AP1B1: variants seen among roughly 807,000 people sequenced by gnomAD.
The protein encoded by AP1B1 is adaptor related protein complex 1 subunit beta 1.
AP1B1 carries 36 observed loss-of-function variants against 104.3 expected under a neutral mutation model. The observed-to-expected ratio is 0.35, with a 90% confidence interval of 0.26 to 0.46. The LOEUF is 0.46. Among genes scored for constraint, AP1B1 ranks in the 20% least tolerant of loss-of-function variants. The probability of loss-of-function intolerance (pLI) is 1.00; values close to 1 mark genes in which losing one functional copy is unlikely to be tolerated. For synonymous variants in AP1B1, 504 were observed against 517.5 expected, an observed-to-expected ratio of 0.97 and a Z score of 0.35; for missense variants, 901 against 1,247.9, an observed-to-expected ratio of 0.72 and a Z score of 4.19.
chr22:29,350,221 C>T, intron 9 of AP1B1, 71 bp from the exon 10 acceptor site: 2 of 1,249,844 alleles, frequency 1.6e-6, no homozygotes, highest in South Asian at 2.4e-5. Context: ...GATGTCCACG[C>T]CTCGGCCAAG....
In AP1B1 at chr22:29,339,052, C is replaced by T. The variant is rs751437216; in HGVS notation, c.2101G>A (p.Asp701Asn). ...LGAPIGSGLS[D>N]LFDLTSGVGT... ...ACGCCACTGGTCAGGTCAAAGAGGT[C>T]ACTCAGGCCACTGCCGATGGGTGCT... Residue 701 changes from aspartate to asparagine, a missense_variant, in exon 16 of 23, where the codon GAC becomes AAC. Physicochemically the swap from Asp to Asn is conservative, Grantham distance 23. Coordinates refer to ENST00000357586, the MANE Select transcript of AP1B1 (RefSeq NM_001127.4). 6.2e-6 allele frequency: 10 copies of T among 1,614,198 alleles called. 1 individual carries two copies. In the South Asian group the frequency reaches 1.1e-4, roughly 18 times the overall value.
chr22:29,381,362 G>A (rs773583318), intron 1 of AP1B1, among the ~76,000 whole-genome samples: 2 of 152,058 alleles, frequency 1.3e-5, no homozygotes, highest in Non-Finnish European at 2.9e-5. Context: ...TGTAAATGGG[G>A]GTAAGGATTT....
chr22:29,370,307 G>T (rs566579606), intron 1 of AP1B1, among the ~76,000 whole-genome samples: 8 of 152,090 alleles, frequency 5.3e-5, no homozygotes, highest in Middle Eastern at 6.8e-3. Context: ...CAAAAAATTA[G>T]CTGGGCGTGG....
Position 29,354,707 on chromosome 22 carries a change from G to A in AP1B1, c.881C>T (p.Ala294Val), listed in dbSNP as rs2147990524. The change falls in exon 7 of 23, where the codon GCC becomes GTC. Residue 294 changes from alanine (A) to valine (V), a missense_variant. Around this residue, in one of 3 missense-constraint regions of AP1B1, gnomAD observed 471 missense variants for 696.7 expected, o/e 0.68. Transcript: ENST00000357586. ...LAPPLVTLLS[A>V]EPELQYVALR... ...GGCCACATACTGCAGCTCTGGCTCG[G>A]CTGACAGCAGTGTGACCAGGGGTGG... 6.2e-7 allele frequency: 1 copy of A among 1,614,098 alleles called. No homozygotes were observed. Among genetic ancestry groups the A allele is most frequent in the Middle Eastern group, 1.6e-4 (1 of 6,062 alleles).
chr22:29,373,089 T>G (rs2062268060), intron 1 of AP1B1, among the ~76,000 whole-genome samples: 1 of 152,114 alleles, frequency 6.6e-6, no homozygotes, highest in African/African-American at 2.4e-5. Flanking sequence ...AGTTTGAGAC[T>G]GGCTTGGGAA....
intron 1 of AP1B1, among the ~76,000 whole-genome samples, chr22:29,388,099 G>A (rs771531590): frequency 3.9e-5 from 6 of 152,206 alleles, no homozygotes; most frequent in Non-Finnish European, 5.9e-5. Flanking sequence ...CCATGGAGGT[G>A]AGTCCGAAAG....
chr22:29,370,466 A>AAAG (rs2062216355), intron 1 of AP1B1: 5 of 149,988 alleles, frequency 3.3e-5, no homozygotes, highest in Middle Eastern at 3.4e-3. Context: ...AAAAAAAAAA[A>AAAG]AAAGAAAGAA....
chr22:29,328,966 G>T lies in AP1B1; in HGVS notation c.2776-71C>A. The T allele has an allele frequency of 6.4e-7, 1 of 1,561,396 alleles. No individual in the cohort carries two copies. On this transcript the variant is annotated intron_variant, in intron 22 of 22. Coordinates refer to ENST00000357586, the MANE Select transcript of AP1B1 (RefSeq NM_001127.4). The surrounding 1 kb of genome is among the most constrained non-coding windows in gnomAD (Gnocchi z 4.1). Reference sequence around the variant, plus strand: ...GTTCCTCTCAGGAAGGAAAGGGGTGGGGAAGAGAGCAGGAACCAATGGGAC... The same window carrying T: ...GTTCCTCTCAGGAAGGAAAGGGGTGTGGAAGAGAGCAGGAACCAATGGGAC...
Position 29,354,851 on chromosome 22 carries a change from G to T in AP1B1, c.737C>A (p.Pro246His). The change falls in exon 7 of 23, where the codon CCC becomes CAC. Residue 246 changes from proline to histidine, a missense_variant. This residue lies in a region of AP1B1 where 471 missense variants were observed against 696.7 expected (regional missense o/e 0.68). Coordinates refer to ENST00000357586, the MANE Select transcript of AP1B1 (RefSeq NM_001127.4). ...AGCGGAGTTGGCATGGGAGAGCCTGGGGGTGACCCGCTCACAGATGCTGGG... is the reference window on the plus strand; with the variant it reads ...AGCGGAGTTGGCATGGGAGAGCCTGTGGGTGACCCGCTCACAGATGCTGGG... Reference protein sequence around the residue: ...EAQSICERVTPRLSHANSAVV... With the variant: ...EAQSICERVTHRLSHANSAVV... The T allele has an allele frequency of 6.2e-7, 1 of 1,614,056 alleles. No individual in the cohort carries two copies.
intron 5 of AP1B1, 70 bp downstream of exon 5, chr22:29,358,656 A>T (rs977416497): frequency 1.9e-6 from 3 of 1,556,754 alleles, no homozygotes; most frequent in African/African-American, 2.7e-5. Context: ...CCTGGTGAAG[A>T]GTCAAGCCAA....
intron 19 of AP1B1, 145 bp from the exon 20 acceptor site, chr22:29,330,854 T>A (rs2061547258): frequency 1.4e-6 from 1 of 698,268 alleles, no homozygotes; most frequent in African/African-American, 1.8e-5. Context: ...CCCTCCTGCT[T>A]CCCTAAGCAC....
chr22:29,329,524 C>G, intron 22 of AP1B1, 188 bp downstream of exon 22: 1 of 1,438,918 alleles, frequency 6.9e-7, no homozygotes, highest in Non-Finnish European at 9.1e-7. Context: ...CTAGGAAGGA[C>G]TCTGTGCACA....
rs75220707 is a variant in AP1B1 at position 29,341,799 on chromosome 22, G to C, written c.1537-39C>G. The C allele has an allele frequency of 6.5e-3, 10,287 of 1,576,168 alleles. 562 individuals carry two copies. In the African/African-American group the frequency reaches 0.12, roughly 19 times the overall value. On this transcript the variant is annotated intron_variant, in intron 12 of 22. Transcript: ENST00000357586. ...GGAGAAGCCCATGAAACTCAGAGTA[G>C]CCAGGTGAGAAGGGAGGAGACCTTC... is the stretch of plus-strand genomic sequence containing the variant.
intron 13 of AP1B1, among the ~76,000 whole-genome samples, 186 bp downstream of exon 13, chr22:29,341,313 ACT>A (rs1479124991): frequency 6.6e-6 from 1 of 152,252 alleles, no homozygotes; most frequent in Non-Finnish European, 1.5e-5. Context: ...TGCTCTCAGC[ACT>A]GTCGTTAGGC....
At chr22:29,384,671 C>T (rs2062493056) in intron 1 of AP1B1, among the ~76,000 whole-genome samples, 1 of 151,962 alleles carries the variant, frequency 6.6e-6, no homozygotes, top group Admixed American at 6.6e-5. Context: ...AGTTCGAGAC[C>T]AGCCTGGCTA....
Position 29,341,498 on chromosome 22 carries a change from C to T in AP1B1, c.1796+3G>A. On this transcript the variant is annotated splice_donor_region_variant and intron_variant, in intron 13 of 22. Transcript: ENST00000357586. ...CGCAGGCCGACTGGCCAGTCTCACT[C>T]ACGAGGCCGTGCGAGGTGGCAGGCT... 1 of 1,610,352 alleles carries T rather than the reference C, an allele frequency of 6.2e-7. No homozygotes were observed. Among genetic ancestry groups the T allele is most frequent in the African/African-American group, 1.3e-5 (1 of 74,998 alleles).
chr22:29,372,725 C>T (rs567454721), intron 1 of AP1B1, among the ~76,000 whole-genome samples: 43 of 152,096 alleles, frequency 2.8e-4, no homozygotes, highest in Non-Finnish European at 4.6e-4. Flanking sequence ...CAAATTTTGT[C>T]TTCATATATC....
At chr22:29,338,912 A>G (rs1214984438) in intron 16 of AP1B1, 78 bp downstream of exon 16, 8 of 1,578,376 alleles carry the variant, frequency 5.1e-6, no homozygotes, top group Non-Finnish European at 6.9e-6. Flanking sequence ...TCCACAGCCG[A>G]GGCCATTTAA....
intron 13 of AP1B1, 67 bp downstream of exon 13, chr22:29,341,434 G>A (rs2061712626): frequency 6.4e-7 from 1 of 1,565,758 alleles, no homozygotes; most frequent in Non-Finnish European, 8.7e-7. Flanking sequence ...CCAGGCCTGA[G>A]TGCCTGTGCT....
Sources: gnomAD v4.1 joint callset for allele counts (sites outside exome capture counted in the v4.1 genomes callset) on GRCh38, gnomAD v4.1.1 for gene constraint, gnomAD v4.1.1 regional missense constraint, Gnocchi (gnomAD v3.1) non-coding constraint, MANE v1.5 for transcripts, NCBI Gene and HGNC (gene_info 2026-07-23, HGNC 2026-07-21) for gene names.